The following MYOCD variants were observed in gnomAD, a reference collection of about 807,000 sequenced individuals.
MYOCD encodes myocardin.
A neutral mutation model predicts 96.1 loss-of-function variants in MYOCD; 32 were observed. The ratio of observed to expected loss-of-function variants is 0.33; its 90% CI spans 0.25 to 0.45. The LOEUF is 0.45. Ranked by LOEUF, MYOCD falls within the 20% of genes least tolerant of loss-of-function variation. The pLI is 1.00. For synonymous variants in MYOCD, 469 were observed against 469.0 expected (o/e 1.00, Z 0.00); for missense variants, 1,133 against 1,200.6 (o/e 0.94, Z 0.83).
intron 2 of MYOCD, among the ~76,000 whole-genome samples, 198 bp from the exon 3 acceptor site, chr17:12,715,321 T>C (rs1215493640): frequency 6.6e-6 from 1 of 152,106 alleles, no homozygotes; most frequent in Non-Finnish European, 1.5e-5. Context: ...GTTTGAGGCT[T>C]CGATTCCACT....
chr17:12,680,472 G>A (rs944819073), intron 1 of MYOCD, among the ~76,000 whole-genome samples: 68 of 152,270 alleles, frequency 4.5e-4, no homozygotes, highest in Non-Finnish European at 1.8e-4. Context: ...GGCCTCTCTC[G>A]ATGAACAAGC....
intron 1 of MYOCD, among the ~76,000 whole-genome samples, chr17:12,667,547 A>G (rs1909442731): frequency 6.6e-6 from 1 of 152,242 alleles, no homozygotes. Flanking sequence ...GTAAGGCAAC[A>G]CTGCCACCTT....
At chr17:12,682,411 C>T (rs529165914) in intron 1 of MYOCD, among the ~76,000 whole-genome samples, 2 of 152,264 alleles carry the variant, frequency 1.3e-5, no homozygotes, top group African/African-American at 4.8e-5. Context: ...CATTCATCAG[C>T]CAATAGCTTT....
At chr17:12,702,241 C>T (rs754238205) in intron 1 of MYOCD, among the ~76,000 whole-genome samples, 6 of 151,802 alleles carry the variant, frequency 4.0e-5, no homozygotes, top group Admixed American at 1.3e-4. Context: ...AATGCATATC[C>T]GTTTATAATT....
chr17:12,694,195 A>C (rs1361500664), intron 1 of MYOCD, among the ~76,000 whole-genome samples: 1 of 152,200 alleles, frequency 6.6e-6, no homozygotes, highest in Admixed American at 6.5e-5. Context: ...TCTGGGACAC[A>C]AATGGGCGCA....
Position 12,680,673 on chromosome 17 carries a change from A to G in MYOCD, c.55+14430A>G, listed in dbSNP as rs1048936844. ...ACAGAATACATAAACAAGTGGGGAA[A>G]GCCTCAGAGAGGAATCTTGGTGCCC... On this transcript the variant is annotated intron_variant, in intron 1 of 13. Coordinates refer to ENST00000425538, the MANE Select transcript of MYOCD (RefSeq NM_001146312.3). Among the ~76,000 whole-genome samples, 6 of 152,362 alleles carry G rather than the reference A, an allele frequency of 3.9e-5. No individual in the cohort carries two copies. In the East Asian group the frequency reaches 1.2e-3, roughly 29 times the overall value.
chr17:12,694,256 A>C (rs981603921), intron 1 of MYOCD, among the ~76,000 whole-genome samples: 1 of 152,318 alleles, frequency 6.6e-6, no homozygotes, highest in Non-Finnish European at 1.5e-5. Flanking sequence ...CAAAGCACAA[A>C]AAGGCATCCG....
At chr17:12,733,265 G>A (rs560812863) in intron 5 of MYOCD, among the ~76,000 whole-genome samples, 4 of 147,664 alleles carry the variant, frequency 2.7e-5, no homozygotes, top group African/African-American at 1.0e-4. Flanking sequence ...AGTCGAGATT[G>A]TGCCACTGCA....
At chr17:12,703,949 A>C (rs943939231) in intron 1 of MYOCD, among the ~76,000 whole-genome samples, 1 of 151,702 alleles carries the variant, frequency 6.6e-6, no homozygotes, top group African/African-American at 2.4e-5. Flanking sequence ...TTTTTTGTCC[A>C]TTTCTTTTAC....
intron 1 of MYOCD, among the ~76,000 whole-genome samples, chr17:12,700,051 G>A (rs1231097663): frequency 6.6e-6 from 1 of 151,540 alleles, no homozygotes; most frequent in Non-Finnish European, 1.5e-5. Flanking sequence ...TGGGACCACA[G>A]GCGCCCACCA....
At chr17:12,702,625 C>T (rs2031124589) in intron 1 of MYOCD, among the ~76,000 whole-genome samples, 1 of 151,822 alleles carries the variant, frequency 6.6e-6, no homozygotes, top group Admixed American at 6.6e-5. Flanking sequence ...TTCCTATATT[C>T]CCCCTCTCTT....
At chr17:12,682,978 A>G (rs560158868) in intron 1 of MYOCD, among the ~76,000 whole-genome samples, 1 of 152,278 alleles carries the variant, frequency 6.6e-6, no homozygotes, top group South Asian at 2.1e-4. Context: ...ACTTATTATA[A>G]ACATACTGGG....
intron 2 of MYOCD, chr17:12,710,532 A>C: frequency 1.0e-6 from 1 of 984,790 alleles, no homozygotes. Flanking sequence ...CTTACTGCAA[A>C]ACCTTGGTAA....
chr17:12,716,593 G>A (rs1040685107), intron 3 of MYOCD, among the ~76,000 whole-genome samples: 2 of 152,258 alleles, frequency 1.3e-5, no homozygotes, highest in East Asian at 1.9e-4. Flanking sequence ...GAAGTCAAGC[G>A]AATAACGGGA....
intron 4 of MYOCD, among the ~76,000 whole-genome samples, chr17:12,720,063 C>T (rs1037147453): frequency 2.0e-5 from 3 of 151,840 alleles, no homozygotes; most frequent in Admixed American, 2.0e-4. Context: ...TTGAAAATGG[C>T]GTCTCCCGCT....
chr17:12,745,897 T>A, intron 8 of MYOCD, 22 bp from the exon 9 acceptor site: 2 of 1,612,736 alleles, frequency 1.2e-6, no homozygotes. Context: ...GTACTTGAAA[T>A]GCCTCTTTGT....
At position 12,666,261 on chromosome 17, in the gene MYOCD, A is replaced by G; in HGVS notation, c.55+18A>G. ...CAGATCAGGTAGGGCTAAGGCATTTAGCATTCCTTCTTAAACTTTCCTCTT... is the reference window on the plus strand; with the variant it reads ...CAGATCAGGTAGGGCTAAGGCATTTGGCATTCCTTCTTAAACTTTCCTCTT... On this transcript the variant is annotated intron_variant, in intron 1 of 13. Transcript: ENST00000425538. The G allele has an allele frequency of 6.3e-7, 1 of 1,589,926 alleles. No homozygotes were observed. Among genetic ancestry groups the G allele is most frequent in the Non-Finnish European group, 8.6e-7 (1 of 1,157,964 alleles).
intron 12 of MYOCD, chr17:12,760,260 A>C (rs55744634): frequency 0.26 from 63,160 of 241,364 alleles, 9,889 homozygotes; most frequent in East Asian, 0.39. Flanking sequence ...AAGAATAAAT[A>C]CTGTACGATT....
intron 1 of MYOCD, among the ~76,000 whole-genome samples, chr17:12,690,201 A>G (rs2030372286): frequency 6.6e-6 from 1 of 152,224 alleles, no homozygotes; most frequent in African/African-American, 2.4e-5. Flanking sequence ...AAAATCTGTC[A>G]AAGAATGTTA....
Sources: allele counts gnomAD v4.1 joint callset (sites outside exome capture counted in the v4.1 genomes callset), GRCh38; gene constraint gnomAD v4.1.1; transcripts MANE v1.5; gene names NCBI Gene and HGNC (gene_info 2026-07-23, HGNC 2026-07-21).